CLIP2: variants seen among roughly 807,000 people sequenced by gnomAD.
CLIP2 encodes CAP-Gly domain-containing linker protein 2.
A neutral mutation model predicts 111.7 loss-of-function variants in CLIP2; 41 were observed. That is an observed-to-expected ratio of 0.37 (90% CI 0.29 to 0.48). The LOEUF (loss-of-function observed/expected upper bound fraction) is 0.48. CLIP2 is among the 20% of genes least tolerant of loss of function. The pLI, the probability that CLIP2 is intolerant of heterozygous loss-of-function variation, is 0.99. For synonymous variants in CLIP2, 660 were observed against 644.2 expected (o/e 1.02, Z -0.37); for missense variants, 1,160 against 1,422.1 (o/e 0.82, Z 2.96).
At chr7:74,316,372 G>C (rs1788773809) in intron 1 of CLIP2, among the ~76,000 whole-genome samples, 1 of 151,954 alleles carries the variant, frequency 6.6e-6, no homozygotes. Flanking sequence ...TGCCCCACAA[G>C]TAGCTGGGAC....
intron 1 of CLIP2, among the ~76,000 whole-genome samples, chr7:74,304,643 T>A (rs1023562431): frequency 6.0e-5 from 9 of 150,402 alleles, no homozygotes; most frequent in Non-Finnish European, 1.5e-5. Flanking sequence ...CCCATAGGGC[T>A]AGGAAACAAA....
intron 1 of CLIP2, among the ~76,000 whole-genome samples, chr7:74,297,557 G>A (rs1195644446): frequency 5.3e-5 from 8 of 152,046 alleles, no homozygotes; most frequent in Admixed American, 5.2e-4. Context: ...CTGTCTACTT[G>A]AACCCCTCCA....
intron 11 of CLIP2, 28 bp downstream of exon 11, chr7:74,380,891 T>A: frequency 6.2e-7 from 1 of 1,610,318 alleles, no homozygotes; most frequent in Non-Finnish European, 8.5e-7. Flanking sequence ...CGGGCGGGAC[T>A]CTGGGCTCTG....
chr7:74,364,436 A>G (rs538427624), intron 8 of CLIP2, 121 bp downstream of exon 8: 81 of 783,448 alleles, frequency 1.0e-4, no homozygotes, highest in Admixed American at 8.1e-4. Flanking sequence ...GCTGGGGGGG[A>G]AAATGGGGAA....
At chr7:74,321,875 A>G (rs1788964358) in intron 2 of CLIP2, among the ~76,000 whole-genome samples, 1 of 151,190 alleles carries the variant, frequency 6.6e-6, no homozygotes, top group South Asian at 2.1e-4. Context: ...TCACTCACTC[A>G]CTCACCCAGA....
intron 3 of CLIP2, among the ~76,000 whole-genome samples, chr7:74,342,868 TA>T (rs1268787035): frequency 6.6e-6 from 1 of 151,952 alleles, no homozygotes; most frequent in Non-Finnish European, 1.5e-5. Context: ...ACCCCGTCTC[TA>T]CTAAAAATAC....
At chr7:74,315,510 G>C (rs2116497030) in intron 1 of CLIP2, among the ~76,000 whole-genome samples, 1 of 152,174 alleles carries the variant, frequency 6.6e-6, no homozygotes, top group African/African-American at 2.4e-5. Flanking sequence ...CCCCCAAAGT[G>C]CTGGGATTAC....
intron 1 of CLIP2, among the ~76,000 whole-genome samples, chr7:74,308,707 G>A (rs1056735513): frequency 1.2e-4 from 18 of 152,140 alleles, no homozygotes; most frequent in African/African-American, 3.6e-4. Context: ...GTTTCACCAC[G>A]TTGGCCGGGC....
intron 3 of CLIP2, among the ~76,000 whole-genome samples, chr7:74,350,985 A>C (rs995123624): frequency 1.8e-5 from 2 of 114,072 alleles, no homozygotes; most frequent in Non-Finnish European, 3.9e-5. Context: ...GAAGGAAGGG[A>C]AGGAAGAGAA....
intron 14 of CLIP2, among the ~76,000 whole-genome samples, chr7:74,398,488 T>C (rs1387755405): frequency 3.3e-5 from 5 of 152,206 alleles, no homozygotes; most frequent in African/African-American, 1.2e-4. Context: ...GGCCCTTGCC[T>C]GGGAAAGCTG....
At chr7:74,381,611 T>C (rs1790949949) in intron 11 of CLIP2, 1 of 456,300 alleles carries the variant, frequency 2.2e-6, no homozygotes, top group African/African-American at 2.0e-5. Context: ...ATATCCCCTT[T>C]CCAGAAATAT....
chr7:74,353,977 A>G lies in CLIP2; in HGVS notation c.776A>G (p.Lys259Arg). The change falls in exon 4 of 17, where the codon AAG (lysine) becomes AGG (arginine). Residue 259 changes from lysine (K) to arginine (R), a missense_variant. Transcript: ENST00000223398. ...CGVELDEPLG[K>R]NDGAVAGTRY... ...GTGGAGCTGGACGAGCCCCTTGGGA[A>G]GAATGATGGGGCGGTGGCGGGCACC... The G allele has an allele frequency of 6.2e-7, 1 of 1,613,738 alleles. No homozygotes were observed. The highest frequency in any genetic ancestry group is 8.5e-7 in the Non-Finnish European group (1 of 1,179,692).
At chr7:74,336,860 G>GTTTTTTTTTTTTTTTTTTTTT (rs376463523) in intron 2 of CLIP2, among the ~76,000 whole-genome samples, 1 of 140,594 alleles carries the variant, frequency 7.1e-6, no homozygotes, top group African/African-American at 2.8e-5. Flanking sequence ...TGTTTTTTTT[G>GTTTTTTTTTTTTTTTTTTTTT]TTTTTTTTTT....
At chr7:74,382,847 G>C (rs1362541673) in intron 11 of CLIP2, among the ~76,000 whole-genome samples, 1 of 151,920 alleles carries the variant, frequency 6.6e-6, no homozygotes, top group South Asian at 2.1e-4. Context: ...TGAGTTAGGA[G>C]TATTGCTTGA....
intron 8 of CLIP2, among the ~76,000 whole-genome samples, chr7:74,364,637 G>A (rs1554310445): frequency 6.6e-6 from 1 of 152,122 alleles, no homozygotes; most frequent in Non-Finnish European, 1.5e-5. Context: ...AGCCCTAAAG[G>A]TGCCCCTTCG....
intron 14 of CLIP2, among the ~76,000 whole-genome samples, chr7:74,399,227 G>A (rs1344188335): frequency 6.6e-6 from 1 of 152,050 alleles, no homozygotes; most frequent in African/African-American, 2.4e-5. Flanking sequence ...TCATAAGACA[G>A]TTGGGTGGGG....
intron 13 of CLIP2, among the ~76,000 whole-genome samples, chr7:74,390,040 G>A (rs1465141001): frequency 6.8e-6 from 1 of 146,830 alleles, no homozygotes. Context: ...AGTCAGCTAT[G>A]GCATACCACT....
intron 2 of CLIP2, among the ~76,000 whole-genome samples, chr7:74,331,361 T>C (rs1472610780): frequency 6.6e-6 from 1 of 151,014 alleles, no homozygotes; most frequent in Non-Finnish European, 1.5e-5. Context: ...CCTGAGTGCA[T>C]GGGTGGTTGC....
In CLIP2 at chr7:74,376,267, G is replaced by A. The variant is rs187336145; in HGVS notation, c.1866G>A (p.Ser622=). ...AATCCAAGCTGGACTCGCTGGCCTC[G>A]GACCACCAGAAGTCCCTGGAGGACC... ...NWKSKLDSLA[S]DHQKSLEDLK... is the part of the protein sequence containing the mutation. The change falls in exon 10 of 17, where the codon TCG becomes TCA. Residue 622 remains serine (S), a synonymous_variant. Transcript: ENST00000223398. This position sits in a 1 kb window ranked among gnomAD's most constrained non-coding sequence, Gnocchi z 7.1. 1.2e-4 allele frequency: 194 copies of A among 1,612,782 alleles called. No individual in the cohort carries two copies. The highest frequency in any genetic ancestry group is 8.5e-4 in the East Asian group (38 of 44,842).
Sources: gnomAD v4.1 joint callset for allele counts (sites outside exome capture counted in the v4.1 genomes callset) on GRCh38, gnomAD v4.1.1 for gene constraint, Gnocchi (gnomAD v3.1) non-coding constraint, MANE v1.5 for transcripts, NCBI Gene and HGNC (gene_info 2026-07-23, HGNC 2026-07-21) for gene names.